WDFY4: variants seen among roughly 807,000 people sequenced by gnomAD.
WDFY4 encodes the protein WDFY family member 4.
WDFY4 carries 169 observed loss-of-function variants against 351.9 expected under a neutral mutation model. The observed-to-expected ratio is 0.48, with a 90% CI of 0.42 to 0.55. The LOEUF is 0.55. WDFY4 is among the 20% of genes least tolerant of loss of function. The probability of loss-of-function intolerance (pLI) is 0.00; values close to 1 mark genes in which losing one functional copy is unlikely to be tolerated. For missense variants in WDFY4, 3,803 were observed against 3,935.6 expected (o/e 0.97, Z 0.90); for synonymous variants, 1,622 against 1,574.6 (o/e 1.03, Z -0.71).
At chr10:48,938,915 TCCGCCTGTGCTAGGCCCAATAAGG>T (rs1840580304) in intron 47 of WDFY4, among the ~76,000 whole-genome samples, 2 of 152,198 alleles carry the variant, frequency 1.3e-5, no homozygotes, top group Admixed American at 1.3e-4. Flanking sequence ...CCCCTGTATG[TCCGCCTGTGCTAGGCCCAATAAGG>T]CCAGGCCGGG....
intron 7 of WDFY4, among the ~76,000 whole-genome samples, chr10:48,728,510 G>C (rs1259802626): frequency 6.6e-6 from 1 of 152,232 alleles, no homozygotes; most frequent in East Asian, 1.9e-4. Flanking sequence ...CCTCCTCTGA[G>C]GGGTATATCT....
At chr10:48,970,658 T>G (rs1406089988) in intron 57 of WDFY4, among the ~76,000 whole-genome samples, 1 of 152,228 alleles carries the variant, frequency 6.6e-6, no homozygotes, top group Non-Finnish European at 1.5e-5. Context: ...TTTTGAGCAT[T>G]TTGCCACAAG....
intron 2 of WDFY4, among the ~76,000 whole-genome samples, chr10:48,716,141 A>G (rs2063902805): frequency 6.6e-6 from 1 of 152,104 alleles, no homozygotes; most frequent in Non-Finnish European, 1.5e-5. Flanking sequence ...GGTCTACTGC[A>G]TCACACTCGC....
At chr10:48,862,496 T>G (rs1448860488) in intron 39 of WDFY4, among the ~76,000 whole-genome samples, 1 of 152,150 alleles carries the variant, frequency 6.6e-6, no homozygotes, top group Non-Finnish European at 1.5e-5. Context: ...CTTATGAGAA[T>G]CTAATGCCTG....
At chr10:48,896,868 A>G (rs1837102360) in intron 44 of WDFY4, among the ~76,000 whole-genome samples, 1 of 152,156 alleles carries the variant, frequency 6.6e-6, no homozygotes, top group South Asian at 2.1e-4. Context: ...TGCCAGGGAA[A>G]GAGGTCATTC....
chr10:48,728,213 G>A (rs1375279586), intron 7 of WDFY4, among the ~76,000 whole-genome samples: 1 of 152,176 alleles, frequency 6.6e-6, no homozygotes, highest in African/African-American at 2.4e-5. Flanking sequence ...TCCCCTACTG[G>A]TGTTTTCTGG....
At chr10:48,830,920 C>T in intron 38 of WDFY4, 35 bp downstream of exon 38, 1 of 1,535,874 alleles carries the variant, frequency 6.5e-7, no homozygotes, top group Non-Finnish European at 8.8e-7. Context: ...AATGGGAACT[C>T]CTGGGTCTCA....
intron 38 of WDFY4, among the ~76,000 whole-genome samples, chr10:48,831,264 G>T (rs2068179823): frequency 6.6e-6 from 1 of 152,192 alleles, no homozygotes; most frequent in South Asian, 2.1e-4. Flanking sequence ...GGTTCCTCAT[G>T]TCCTGTCACT....
chr10:48,833,602 G>T (rs1448662287), intron 39 of WDFY4, among the ~76,000 whole-genome samples: 1 of 152,190 alleles, frequency 6.6e-6, no homozygotes, highest in Non-Finnish European at 1.5e-5. Flanking sequence ...AGGTTCTGCA[G>T]GAACATGTGG....
intron 47 of WDFY4, among the ~76,000 whole-genome samples, chr10:48,912,067 T>G (rs894012977): frequency 1.3e-5 from 2 of 152,206 alleles, no homozygotes; most frequent in African/African-American, 4.8e-5. Context: ...GAAAAAAGCC[T>G]CCCTCAAGGT....
At chr10:48,975,530 G>A (rs1303171201) in intron 58 of WDFY4, among the ~76,000 whole-genome samples, 1 of 152,198 alleles carries the variant, frequency 6.6e-6, no homozygotes, top group Admixed American at 6.5e-5. Flanking sequence ...GGATGCAGAG[G>A]TTTCTGCATC....
intron 19 of WDFY4, 68 bp from the exon 20 acceptor site, chr10:48,786,571 C>T (rs2066411919): frequency 1.7e-6 from 2 of 1,204,938 alleles, no homozygotes; most frequent in African/African-American, 1.5e-5. Context: ...CATGTTATAT[C>T]ACTTTGTATT....
At chr10:48,928,369 T>C (rs1383859088) in intron 47 of WDFY4, among the ~76,000 whole-genome samples, 3 of 142,678 alleles carry the variant, frequency 2.1e-5, no homozygotes, top group Non-Finnish European at 3.1e-5. Context: ...TGTGTGTGTG[T>C]GTGTGTGTGT....
At chr10:48,741,887 C>A (rs565614369) in intron 11 of WDFY4, among the ~76,000 whole-genome samples, 1 of 152,356 alleles carries the variant, frequency 6.6e-6, no homozygotes, top group East Asian at 1.9e-4. Flanking sequence ...AGGAAACACA[C>A]ATCAAATGCC....
In WDFY4 at chr10:48,974,519, A is replaced by AAAAAAAAACAAC. The variant is rs1842470145; in HGVS notation, c.8929-335_8929-334insCAACAAAAAAAA. On this transcript the variant is annotated intron_variant, in intron 57 of 61. Coordinates refer to ENST00000325239, the MANE Select transcript of WDFY4 (RefSeq NM_001394531.1). ...CTCCGTCTCAAAAAAAAAAAAAAAA[A>AAAAAAAAACAAC]AAAAAAAAAACAACTCATGACATGA... Among the ~76,000 whole-genome samples, 3 of 49,970 alleles carry AAAAAAAAACAAC rather than the reference A, an allele frequency of 6.0e-5. 1 individual carries two copies. In the South Asian group the frequency reaches 3.9e-3, roughly 65 times the overall value. The allele number at this position is 49,970 out of a possible 152,430, so 32.8% of individuals were successfully genotyped here.
chr10:48,962,927 C>G (rs1841925055), intron 53 of WDFY4, among the ~76,000 whole-genome samples: 1 of 152,198 alleles, frequency 6.6e-6, no homozygotes, highest in Admixed American at 6.5e-5. Flanking sequence ...AGGAAGTTCA[C>G]ATTCCTGGGG....
Position 48,811,723 on chromosome 10 carries a change from C to G in WDFY4, c.5214+15C>G. On this transcript the variant is annotated intron_variant, in intron 30 of 61. Coordinates refer to ENST00000325239, the MANE Select transcript of WDFY4 (RefSeq NM_001394531.1). ...ACGGGCCCAAAGTAGGTTTTCAGAG[C>G]ACCCACAGGGTGACACACTTGGTTT... The G allele has an allele frequency of 6.4e-7, 1 of 1,550,888 alleles. No homozygotes were observed. Among genetic ancestry groups the G allele is most frequent in the Admixed American group, 2.0e-5 (1 of 50,974 alleles).
chr10:48,717,973 C>A (rs1026748563), intron 2 of WDFY4, among the ~76,000 whole-genome samples: 1 of 152,184 alleles, frequency 6.6e-6, no homozygotes, highest in African/African-American at 2.4e-5. Context: ...TCAGGTTAAA[C>A]CCTTCTTCAA....
intron 10 of WDFY4, among the ~76,000 whole-genome samples, chr10:48,734,920 C>T (rs1347316300): frequency 4.0e-5 from 6 of 150,638 alleles, no homozygotes; most frequent in East Asian, 3.9e-4. Context: ...GGACTACAGG[C>T]GCACGCCGCC....
Sources: gnomAD v4.1 joint callset for allele counts (sites outside exome capture counted in the v4.1 genomes callset) on GRCh38, gnomAD v4.1.1 for gene constraint, MANE v1.5 for transcripts, NCBI Gene and HGNC (gene_info 2026-07-23, HGNC 2026-07-21) for gene names.